FHIT: variants seen among roughly 807,000 people sequenced by gnomAD.
FHIT encodes the protein fragile histidine triad diadenosine triphosphatase, also known as bis(5'-adenosyl)-triphosphatase.
FHIT carries 19 observed loss-of-function variants against 17.9 expected under a neutral mutation model. That is an observed-to-expected ratio of 1.06 (90% CI 0.74 to 1.56). FHIT has a LOEUF of 1.56. FHIT is among the 40% of genes most tolerant of loss of function. The pLI, the probability that FHIT is intolerant of heterozygous loss-of-function variation, is 0.00. For synonymous variants in FHIT, 81 were observed against 69.7 expected (o/e 1.16, Z -0.81); for missense variants, 248 against 189.2 (o/e 1.31, Z -1.82).
intron 8 of FHIT, among the ~76,000 whole-genome samples, chr3:59,858,271 T>A (rs1413366383): frequency 4.8e-5 from 6 of 125,698 alleles, no homozygotes; most frequent in African/African-American, 1.9e-4. Context: ...TGAGATGGAG[T>A]GCTGGAGTGC....
At chr3:60,154,875 A>T in intron 5 of FHIT, among the ~76,000 whole-genome samples, 1 of 152,222 alleles carries the variant, frequency 6.6e-6, no homozygotes, top group East Asian at 1.9e-4. Context: ...TAATAGTTGC[A>T]AAGAATCCCA....
At chr3:60,528,556 A>C (rs1402737320) in intron 5 of FHIT, among the ~76,000 whole-genome samples, 1 of 152,176 alleles carries the variant, frequency 6.6e-6, no homozygotes, top group Admixed American at 6.5e-5. Flanking sequence ...TTTGATACGA[A>C]GAAAGAGTTC....
intron 8 of FHIT, among the ~76,000 whole-genome samples, chr3:59,781,602 A>C (rs146493976): frequency 6.6e-6 from 1 of 152,350 alleles, no homozygotes; most frequent in East Asian, 1.9e-4. Context: ...AAGAGTTCAC[A>C]AAGGAAGGAT....
rs1706168525 is a variant in FHIT, at chr3:60,259,149, T to C, written c.104-244997A>G. ...CTACCAAAGTTATAGCCGTCAAAAC[T>C]ACATAGGAATCTCTGCAGCAGGCCA... On this transcript the variant is annotated intron_variant, in intron 5 of 9. Transcript: ENST00000492590. 4.0e-5 allele frequency among the ~76,000 whole-genome samples: 6 copies of C among 151,850 alleles called. No homozygotes were observed. In the South Asian group the frequency reaches 1.2e-3, roughly 32 times the overall value.
chr3:59,981,798 C>T (rs544428001), intron 7 of FHIT, among the ~76,000 whole-genome samples: 44 of 152,132 alleles, frequency 2.9e-4, no homozygotes, highest in Admixed American at 5.9e-4. Context: ...ACACAAAAGC[C>T]TTTCAGCTCT....
At chr3:61,232,985 G>T (rs1200556872) in intron 1 of FHIT, among the ~76,000 whole-genome samples, 1 of 152,148 alleles carries the variant, frequency 6.6e-6, no homozygotes, top group African/African-American at 2.4e-5. Flanking sequence ...AATAAAAGTG[G>T]CTACTACCTT....
chr3:60,957,300 C>G (rs1454574592), intron 3 of FHIT, among the ~76,000 whole-genome samples: 2 of 141,982 alleles, frequency 1.4e-5, no homozygotes, highest in Non-Finnish European at 3.0e-5. Context: ...TGCAGTGGCG[C>G]GATCTCAGCT....
chr3:60,553,511 A>G (rs2036633247), intron 4 of FHIT: 1 of 141,830 alleles, frequency 7.1e-6, no homozygotes, highest in African/African-American at 3.0e-5. Context: ...AAATATATAT[A>G]TATATATATA....
intron 5 of FHIT, among the ~76,000 whole-genome samples, chr3:60,130,084 G>T (rs925931920): frequency 1.3e-5 from 2 of 152,094 alleles, no homozygotes; most frequent in African/African-American, 4.8e-5. Flanking sequence ...TTTGTTAGAA[G>T]TTCCTCTTTC....
intron 5 of FHIT, among the ~76,000 whole-genome samples, chr3:60,157,688 G>T (rs1187559356): frequency 6.6e-6 from 1 of 152,198 alleles, no homozygotes; most frequent in African/African-American, 2.4e-5. Flanking sequence ...AAAGTGCACA[G>T]TGAATAAGTC....
At chr3:60,046,258 T>C (rs1454086017) in intron 5 of FHIT, among the ~76,000 whole-genome samples, 1 of 152,238 alleles carries the variant, frequency 6.6e-6, no homozygotes, top group Non-Finnish European at 1.5e-5. Flanking sequence ...AGTTTCACCA[T>C]TCTGCAGAAC....
At chr3:59,952,281 A>C (rs986184196) in intron 7 of FHIT, among the ~76,000 whole-genome samples, 12 of 152,140 alleles carry the variant, frequency 7.9e-5, no homozygotes, top group Non-Finnish European at 1.6e-4. Flanking sequence ...CTATAAGACC[A>C]CCCACACTGT....
intron 5 of FHIT, among the ~76,000 whole-genome samples, chr3:60,058,989 G>T (rs939295839): frequency 1.3e-5 from 2 of 152,152 alleles, no homozygotes; most frequent in Admixed American, 6.5e-5. Context: ...AACCGAGTGA[G>T]TAAGAAAATC....
At chr3:61,202,910 G>A (rs1490387519) in intron 1 of FHIT, among the ~76,000 whole-genome samples, 4 of 152,254 alleles carry the variant, frequency 2.6e-5, no homozygotes, top group African/African-American at 2.4e-5. Flanking sequence ...GCCGGGCGCG[G>A]TGGCTCACTC....
chr3:59,971,582 G>T (rs1708185488), intron 7 of FHIT, among the ~76,000 whole-genome samples: 1 of 152,100 alleles, frequency 6.6e-6, no homozygotes, highest in Non-Finnish European at 1.5e-5. Flanking sequence ...TAACTAATGG[G>T]AGGCAGAACT....
chr3:60,697,022 A>G (rs961234785), intron 4 of FHIT, among the ~76,000 whole-genome samples: 1 of 152,204 alleles, frequency 6.6e-6, no homozygotes, highest in Non-Finnish European at 1.5e-5. Context: ...TCTCTCCTAC[A>G]TGGAAAACTC....
At chr3:60,129,621 C>T (rs1170904316) in intron 5 of FHIT, among the ~76,000 whole-genome samples, 4 of 152,082 alleles carry the variant, frequency 2.6e-5, no homozygotes, top group Admixed American at 6.6e-5. Flanking sequence ...CTAGGAGATG[C>T]CCTAAGTCTA....
chr3:60,991,963 T>C (rs2030265557), intron 3 of FHIT, among the ~76,000 whole-genome samples: 1 of 152,154 alleles, frequency 6.6e-6, no homozygotes, highest in African/African-American at 2.4e-5. Flanking sequence ...CTTGGACAAA[T>C]GTCACCTCTT....
chr3:60,576,231 A>T (rs558884307), intron 4 of FHIT, among the ~76,000 whole-genome samples: 6 of 101,566 alleles, frequency 5.9e-5, no homozygotes, highest in East Asian at 2.5e-4. Flanking sequence ...GATTGGTAAA[A>T]TTTTTTTAAA....
Sources: gnomAD v4.1 joint callset for allele counts (sites outside exome capture counted in the v4.1 genomes callset) on GRCh38, gnomAD v4.1.1 for gene constraint, MANE v1.5 for transcripts, NCBI Gene and HGNC (gene_info 2026-07-23, HGNC 2026-07-21) for gene names.